FOXO3: variants seen among roughly 807,000 people sequenced by gnomAD.
FOXO3 encodes the protein forkhead box protein O3.
Under a neutral mutation model 41.9 loss-of-function variants are expected in FOXO3, and 4 were observed. The ratio of observed to expected loss-of-function variants is 0.10; its 90% CI spans 0.05 to 0.22. The LOEUF is 0.22. FOXO3 is among the 10% of genes least tolerant of loss of function. The pLI is 1.00. For synonymous variants in FOXO3, 318 were observed against 389.3 expected, an observed-to-expected ratio of 0.82 and a Z score of 2.16; for missense variants, 534 against 906.8, an observed-to-expected ratio of 0.59 and a Z score of 5.28.
intron 1 of FOXO3, among the ~76,000 whole-genome samples, chr6:108,656,036 A>G (rs1464237959): frequency 6.6e-6 from 1 of 152,046 alleles, no homozygotes; most frequent in Non-Finnish European, 1.5e-5. Flanking sequence ...AGACGCCTGC[A>G]GTCGGCCTGG....
chr6:108,594,269 G>GT (rs1776813035), intron 1 of FOXO3, among the ~76,000 whole-genome samples: 1 of 152,256 alleles, frequency 6.6e-6, no homozygotes, highest in African/African-American at 2.4e-5. Context: ...ATGAAAACGG[G>GT]TTAATAACTT....
chr6:108,634,933 T>C (rs1778081048), intron 1 of FOXO3, among the ~76,000 whole-genome samples: 1 of 151,932 alleles, frequency 6.6e-6, no homozygotes, highest in Non-Finnish European at 1.5e-5. Flanking sequence ...TTTTGTATTT[T>C]ATATATAAGG....
intron 1 of FOXO3, among the ~76,000 whole-genome samples, chr6:108,662,653 T>C (rs1360251818): frequency 3.3e-5 from 5 of 152,128 alleles, no homozygotes; most frequent in African/African-American, 4.8e-5. Context: ...TAAGAAAAGG[T>C]AGACGTTGTG....
chr6:108,663,032 G>A (rs1015420815), intron 1 of FOXO3, among the ~76,000 whole-genome samples: 2 of 152,202 alleles, frequency 1.3e-5, no homozygotes, highest in South Asian at 4.1e-4. Context: ...GTGTCTTTTT[G>A]AATTAGGATG....
At chr6:108,674,961 AC>A (rs1398835555) in intron 2 of FOXO3, among the ~76,000 whole-genome samples, 3 of 152,182 alleles carry the variant, frequency 2.0e-5, no homozygotes, top group Non-Finnish European at 4.4e-5. Flanking sequence ...TTAAGAAAAT[AC>A]TAAATCTCTG....
At chr6:108,615,373 TA>T (rs1777466451) in intron 1 of FOXO3, among the ~76,000 whole-genome samples, 1 of 152,262 alleles carries the variant, frequency 6.6e-6, no homozygotes, top group South Asian at 2.1e-4. Context: ...TTAATAGGTA[TA>T]AATTTCTAGA....
intron 1 of FOXO3, among the ~76,000 whole-genome samples, chr6:108,626,275 C>G (rs570230256): frequency 3.9e-5 from 6 of 152,264 alleles, no homozygotes; most frequent in African/African-American, 1.2e-4. Flanking sequence ...ACTCATTGGT[C>G]CTCAATGACT....
At chr6:108,573,130 C>G (rs1045140359) in intron 1 of FOXO3, among the ~76,000 whole-genome samples, 2 of 151,864 alleles carry the variant, frequency 1.3e-5, no homozygotes, top group African/African-American at 2.4e-5. Context: ...ACTAAAAATA[C>G]AAAAAAATTA....
chr6:108,623,518 A>G (rs1469333696), intron 1 of FOXO3, among the ~76,000 whole-genome samples: 1 of 152,212 alleles, frequency 6.6e-6, no homozygotes, highest in East Asian at 1.9e-4. Context: ...GCTAGGCTTC[A>G]GCTTTGGGAA....
chr6:108,572,915 C>T (rs551691414), intron 1 of FOXO3, among the ~76,000 whole-genome samples: 2 of 152,176 alleles, frequency 1.3e-5, no homozygotes, highest in South Asian at 4.2e-4. Context: ...GGCTCTCTGA[C>T]TTGGGAGCAT....
intron 1 of FOXO3, among the ~76,000 whole-genome samples, chr6:108,652,677 A>G (rs1778578898): frequency 6.6e-6 from 1 of 152,240 alleles, no homozygotes; most frequent in African/African-American, 2.4e-5. Context: ...ATAAAATGAG[A>G]TCAAATTTGT....
chr6:108,602,375 G>A (rs950819658), intron 1 of FOXO3, among the ~76,000 whole-genome samples: 12 of 151,960 alleles, frequency 7.9e-5, no homozygotes, highest in African/African-American at 1.5e-4. Flanking sequence ...TCTGCCATAC[G>A]CCTGTAGCAG....
rs143568534 is a variant in FOXO3, at chr6:108,634,434, G to A, written c.622-29021G>A. On this transcript the variant is annotated intron_variant, in intron 1 of 2. Transcript: ENST00000406360. ...CCCTTCCCTGCTCCAAATTCACTGG[G>A]AAAGGAGAAACTCACACTCAGACTA... Among the ~76,000 whole-genome samples, 632 of 152,230 alleles carry A rather than the reference G, an allele frequency of 4.2e-3. 4 individuals are homozygous for A. Among genetic ancestry groups the A allele is most frequent in the African/African-American group, 0.015 (606 of 41,554 alleles).
intron 1 of FOXO3, among the ~76,000 whole-genome samples, chr6:108,640,661 C>T (rs1449255205): frequency 3.3e-5 from 5 of 152,080 alleles, no homozygotes; most frequent in Admixed American, 2.0e-4. Context: ...TTTGATACTT[C>T]ACAATTTCAT....
intron 1 of FOXO3, among the ~76,000 whole-genome samples, chr6:108,653,567 GC>G (rs1226265916): frequency 1.3e-5 from 2 of 152,086 alleles, no homozygotes; most frequent in East Asian, 3.9e-4. Context: ...TGAAGTTGGG[GC>G]TGCCTGTTTC....
chr6:108,587,867 G>A (rs1021923111), intron 1 of FOXO3, among the ~76,000 whole-genome samples: 2 of 152,284 alleles, frequency 1.3e-5, no homozygotes, highest in African/African-American at 4.8e-5. Context: ...TATTTTTATA[G>A]AAAACTTAAG....
intron 2 of FOXO3, among the ~76,000 whole-genome samples, chr6:108,676,929 G>C (rs891410639): frequency 7.2e-5 from 11 of 152,200 alleles, no homozygotes; most frequent in Non-Finnish European, 4.4e-5. Context: ...TTGTATTTCT[G>C]TTCAACATTT....
chr6:108,654,509 G>T (rs1250529273), intron 1 of FOXO3, among the ~76,000 whole-genome samples: 3 of 151,970 alleles, frequency 2.0e-5, no homozygotes, highest in African/African-American at 7.3e-5. Context: ...CATTTTGTTT[G>T]GATAGAAAAT....
At chr6:108,651,800 T>C (rs1483007690) in intron 1 of FOXO3, among the ~76,000 whole-genome samples, 2 of 152,240 alleles carry the variant, frequency 1.3e-5, no homozygotes, top group African/African-American at 4.8e-5. Context: ...ATATGTAACC[T>C]TAAAGCAGTT....
Sources: gnomAD v4.1 joint callset for allele counts (sites outside exome capture counted in the v4.1 genomes callset) on GRCh38, gnomAD v4.1.1 for gene constraint, MANE v1.5 for transcripts, NCBI Gene and HGNC (gene_info 2026-07-23, HGNC 2026-07-21) for gene names.